B3GALT1: variants seen among roughly 807,000 people sequenced by gnomAD.
B3GALT1 encodes the protein beta-1,3-galactosyltransferase 1.
Under a neutral mutation model 23.2 loss-of-function variants are expected in B3GALT1, and 10 were observed. That is an observed-to-expected ratio of 0.43 (90% CI 0.27 to 0.73). The LOEUF is 0.73. Ranked by LOEUF, B3GALT1 falls within the 30% of genes least tolerant of loss-of-function variation. The probability of loss-of-function intolerance (pLI) is 0.21; values close to 1 mark genes in which losing one functional copy is unlikely to be tolerated. For missense variants in B3GALT1, 299 were observed against 405.4 expected (o/e 0.74, Z 2.25); for synonymous variants, 156 against 141.5 (o/e 1.10, Z -0.73).
At chr2:167,521,789 C>T (rs897318593) in intron 2 of B3GALT1, among the ~76,000 whole-genome samples, 1 of 151,782 alleles carries the variant, frequency 6.6e-6, no homozygotes, top group South Asian at 2.1e-4. Flanking sequence ...ATTCCTAGAA[C>T]TTGCTTTGTA....
chr2:167,725,869 A>G (rs867637015), intron 3 of B3GALT1, among the ~76,000 whole-genome samples: 2 of 152,218 alleles, frequency 1.3e-5, no homozygotes, highest in Non-Finnish European at 2.9e-5. Context: ...CCCTAAGTCA[A>G]ACCAATTAAA....
intron 1 of B3GALT1, among the ~76,000 whole-genome samples, chr2:167,464,452 T>A (rs1699314641): frequency 6.6e-6 from 1 of 152,188 alleles, no homozygotes; most frequent in South Asian, 2.1e-4. Context: ...TTTCATGACA[T>A]TCCAATTAAG....
At chr2:167,612,751 C>T (rs1291648000) in intron 2 of B3GALT1, among the ~76,000 whole-genome samples, 1 of 151,734 alleles carries the variant, frequency 6.6e-6, no homozygotes, top group African/African-American at 2.4e-5. Flanking sequence ...CATGTTAGTA[C>T]TGATAATGAT....
chr2:167,365,970 T>A (rs1254547255), intron 1 of B3GALT1, among the ~76,000 whole-genome samples: 1 of 152,218 alleles, frequency 6.6e-6, no homozygotes, highest in Non-Finnish European at 1.5e-5. Context: ...GTAAAGTACC[T>A]GCGCTCTTTT....
At chr2:167,804,401 T>C (rs1339893404) in intron 3 of B3GALT1, among the ~76,000 whole-genome samples, 1 of 152,102 alleles carries the variant, frequency 6.6e-6, no homozygotes, top group Non-Finnish European at 1.5e-5. Context: ...TATGTATACA[T>C]GTGCCATGTT....
intron 1 of B3GALT1, among the ~76,000 whole-genome samples, chr2:167,353,816 T>A (rs549317142): frequency 6.6e-6 from 1 of 152,204 alleles, no homozygotes; most frequent in African/African-American, 2.4e-5. Context: ...GTTTGTTGGT[T>A]ATCTGATACC....
intron 1 of B3GALT1, among the ~76,000 whole-genome samples, chr2:167,330,248 T>C (rs1696951972): frequency 6.7e-6 from 1 of 149,282 alleles, no homozygotes; most frequent in Non-Finnish European, 1.5e-5. Context: ...CTGGGTTATT[T>C]TAACAGACCT....
intron 2 of B3GALT1, among the ~76,000 whole-genome samples, chr2:167,564,204 A>C (rs1192160549): frequency 7.0e-6 from 1 of 143,870 alleles, no homozygotes; most frequent in African/African-American, 2.6e-5. Context: ...CCGGGCAGAG[A>C]CGCTCCTCAC....
chr2:167,618,431 G>C (rs1685198572), intron 2 of B3GALT1, among the ~76,000 whole-genome samples: 1 of 151,894 alleles, frequency 6.6e-6, no homozygotes, highest in Non-Finnish European at 1.5e-5. Context: ...CCTTTTGAGA[G>C]TACAGATATG....
chr2:167,330,588 C>T (rs192589087), intron 1 of B3GALT1, among the ~76,000 whole-genome samples: 7 of 152,248 alleles, frequency 4.6e-5, no homozygotes, highest in South Asian at 2.1e-4. Flanking sequence ...CCAGTTTAAG[C>T]GACAGAGCGC....
intron 3 of B3GALT1, chr2:167,714,274 T>C (rs867888156): frequency 1.4e-5 from 21 of 1,500,158 alleles, no homozygotes; most frequent in Middle Eastern, 1.7e-4. Flanking sequence ...CCTGTTCCCA[T>C]GGAGATGAGA....
At chr2:167,799,630 A>G (rs997178273) in intron 3 of B3GALT1, among the ~76,000 whole-genome samples, 1 of 152,244 alleles carries the variant, frequency 6.6e-6, no homozygotes, top group Admixed American at 6.5e-5. Context: ...TCCAGCACAT[A>G]TAAACAGAGA....
chr2:167,528,376 T>C (rs1683257259), intron 2 of B3GALT1, among the ~76,000 whole-genome samples: 1 of 152,210 alleles, frequency 6.6e-6, no homozygotes. Context: ...GTCTGTTTTG[T>C]GCGTCTGGAG....
intron 2 of B3GALT1, among the ~76,000 whole-genome samples, chr2:167,630,884 A>G (rs1305271880): frequency 6.6e-6 from 1 of 151,742 alleles, no homozygotes; most frequent in Non-Finnish European, 1.5e-5. Flanking sequence ...CCCATTGTGT[A>G]CAACTTTCTT....
chr2:167,646,689 C>T (rs1018078892), intron 2 of B3GALT1, among the ~76,000 whole-genome samples: 3 of 151,994 alleles, frequency 2.0e-5, no homozygotes, highest in African/African-American at 7.3e-5. Flanking sequence ...GGACCCACTC[C>T]CCCTTGTGAG....
chr2:167,464,378 G>A (rs549743789), intron 1 of B3GALT1, among the ~76,000 whole-genome samples: 6 of 152,040 alleles, frequency 3.9e-5, no homozygotes, highest in Non-Finnish European at 8.8e-5. Context: ...AAGTAGAATT[G>A]TTTTTCCTGT....
At chr2:167,408,109 G>C (rs556877035) in intron 1 of B3GALT1, among the ~76,000 whole-genome samples, 1 of 146,192 alleles carries the variant, frequency 6.8e-6, no homozygotes, top group African/African-American at 2.6e-5. Flanking sequence ...ACTGGTGAAC[G>C]TAGACACAAA....
chr2:167,557,280 A>C (rs1683870954), intron 2 of B3GALT1, among the ~76,000 whole-genome samples: 1 of 152,276 alleles, frequency 6.6e-6, no homozygotes, highest in Non-Finnish European at 1.5e-5. Flanking sequence ...TGACCAACAA[A>C]GTGTTCTTTG....
intron 2 of B3GALT1, among the ~76,000 whole-genome samples, chr2:167,582,073 A>G (rs1684493983): frequency 6.6e-6 from 1 of 152,160 alleles, no homozygotes; most frequent in Non-Finnish European, 1.5e-5. Flanking sequence ...ATGAAAGGAA[A>G]AACCAAGCCC....
Sources: allele counts gnomAD v4.1 joint callset (sites outside exome capture counted in the v4.1 genomes callset), GRCh38; gene constraint gnomAD v4.1.1; transcripts MANE v1.5; gene names NCBI Gene and HGNC (gene_info 2026-07-23, HGNC 2026-07-21).